The following DLD variants were observed in gnomAD, a reference collection of about 807,000 sequenced individuals.
The protein encoded by DLD is dihydrolipoyl dehydrogenase, mitochondrial.
DLD carries 36 observed loss-of-function variants against 62.2 expected under a neutral mutation model. The observed-to-expected ratio is 0.58, with a 90% CI of 0.44 to 0.76. The LOEUF (loss-of-function observed/expected upper bound fraction) is 0.76, where lower values mean the gene tolerates loss of function less well. Ranked by LOEUF, DLD falls within the 30% of genes least tolerant of loss-of-function variation. DLD has a pLI of 0.00. For missense variants in DLD, 541 were observed against 608.6 expected, an observed-to-expected ratio of 0.89 and a Z score of 1.17; for synonymous variants, 204 against 199.6, an observed-to-expected ratio of 1.02 and a Z score of -0.19.
In DLD at chr7:107,891,258, G is replaced by A; in HGVS notation, c.8G>A (p.Ser3Asn). 1 of 1,614,168 alleles carries A rather than the reference G, an allele frequency of 6.2e-7. No individual in the cohort carries two copies. Among genetic ancestry groups the A allele is most frequent in the Non-Finnish European group, 8.5e-7 (1 of 1,179,974 alleles). Residue 3 changes from serine to asparagine, a missense_variant, in exon 1 of 14, where the codon AGC becomes AAC. By Grantham distance (46) the Ser-to-Asn change is conservative. Transcript: ENST00000205402. MQ[S>N]WSRVYCSLAK... ...GGAAAATACAGCGGAAAAATGCAGAGCTGGAGTCGTGTGTACTGCTCCTTG... is the reference window on the plus strand; with the variant it reads ...GGAAAATACAGCGGAAAAATGCAGAACTGGAGTCGTGTGTACTGCTCCTTG...
rs569295087 is a variant in DLD, at chr7:107,902,535, T to C, written c.267+142T>C. On this transcript the variant is annotated intron_variant, in intron 4 of 13. Coordinates refer to ENST00000205402, the MANE Select transcript of DLD (RefSeq NM_000108.5). ...CATTTCACACAGAGAAAAAAAAGAA[T>C]GATAAAAAACACACTTCTCTTTTGT... The C allele has an allele frequency of 1.0e-5, 8 of 789,004 alleles. No individual in the cohort carries two copies. In the African/African-American group the frequency reaches 1.2e-4, roughly 12 times the overall value. The allele number at this position is 789,004 out of a possible 1,614,324, so 48.9% of individuals were successfully genotyped here.
chr7:107,915,790 T>A, intron 9 of DLD, 94 bp downstream of exon 9: 1 of 1,135,000 alleles, frequency 8.8e-7, no homozygotes, highest in Non-Finnish European at 1.3e-6. Context: ...ATAGGGTTTT[T>A]TCTAACTTAA....
At position 107,902,319 on chromosome 7, in the gene DLD, T is replaced by C. The variant is rs1584462430; in HGVS notation, c.199-6T>C. On this transcript the variant is annotated splice_polypyrimidine_tract_variant and splice_region_variant and intron_variant, in intron 3 of 13. Transcript: ENST00000205402. ...TGCAGTTAAATAATGTTTTCTTTGGTTGTAGACAGTCTGCATTGAGAAAAA... is the reference window on the plus strand; with the variant it reads ...TGCAGTTAAATAATGTTTTCTTTGGCTGTAGACAGTCTGCATTGAGAAAAA... 6.2e-7 allele frequency: 1 copy of C among 1,613,014 alleles called. No individual in the cohort carries two copies. Among genetic ancestry groups the C allele is most frequent in the Admixed American group, 1.7e-5 (1 of 60,022 alleles).
At chr7:107,909,588 A>C (rs751028556) in intron 8 of DLD, among the ~76,000 whole-genome samples, 1 of 152,138 alleles carries the variant, frequency 6.6e-6, no homozygotes, top group Non-Finnish European at 1.5e-5. Context: ...CAGTCCAGAA[A>C]CCCTTCAGAA....
rs1053780112 is a variant in DLD at position 107,911,380 on chromosome 7, T to A, written c.685-4126T>A. ...GGATATGGCACATTTTGTTTATCCA[T>A]TCATCATGGGTGGACATTTGGGTTG... On this transcript the variant is annotated intron_variant, in intron 8 of 13. Transcript: ENST00000205402. Among the ~76,000 whole-genome samples, 7 of 152,316 alleles carry A rather than the reference T, an allele frequency of 4.6e-5. 1 individual carries two copies. In the South Asian group the frequency reaches 1.4e-3, roughly 32 times the overall value.
chr7:107,899,398 T>C (rs1423736670), intron 2 of DLD, among the ~76,000 whole-genome samples: 1 of 151,676 alleles, frequency 6.6e-6, no homozygotes, highest in Non-Finnish European at 1.5e-5. Context: ...ACATAGTGAA[T>C]AGGGAAGTAA....
intron 8 of DLD, among the ~76,000 whole-genome samples, chr7:107,909,670 A>G (rs1247646218): frequency 6.6e-6 from 1 of 152,050 alleles, no homozygotes; most frequent in Non-Finnish European, 1.5e-5. Flanking sequence ...CCAGCTGATT[A>G]ATAATGTCTT....
chr7:107,895,561 A>G (rs1472270893), intron 2 of DLD, among the ~76,000 whole-genome samples: 1 of 152,210 alleles, frequency 6.6e-6, no homozygotes, highest in African/African-American at 2.4e-5. Flanking sequence ...ACTAATATCT[A>G]CTATGTGTTA....
At chr7:107,897,574 CTTTTTTTTTTT>C (rs35546358) in intron 2 of DLD, among the ~76,000 whole-genome samples, 1 of 111,352 alleles carries the variant, frequency 9.0e-6, no homozygotes, top group Non-Finnish European at 1.8e-5. Context: ...TGTAGACTGA[CTTTTTTTTTTT>C]TTTTTTTTTT....
chr7:107,893,085 C>A, intron 1 of DLD, 115 bp from the exon 2 acceptor site: 1 of 674,382 alleles, frequency 1.5e-6, no homozygotes, highest in Non-Finnish European at 2.6e-6. Context: ...GAAGAAGATA[C>A]ACTAATAATC....
chr7:107,907,809 T>C (rs2032043376), intron 8 of DLD, among the ~76,000 whole-genome samples: 2 of 152,358 alleles, frequency 1.3e-5, no homozygotes, highest in South Asian at 4.1e-4. Flanking sequence ...CATGTCCTTC[T>C]TGAGTTACCA....
chr7:107,912,233 A>T (rs1272559295), intron 8 of DLD, among the ~76,000 whole-genome samples: 1 of 151,982 alleles, frequency 6.6e-6, no homozygotes, highest in Non-Finnish European at 1.5e-5. Context: ...TTGTCTGCTG[A>T]TGGACACTTG....
intron 11 of DLD, 146 bp from the exon 12 acceptor site, chr7:107,917,778 G>A (rs2032306575): frequency 9.9e-7 from 1 of 1,005,560 alleles, no homozygotes; most frequent in Admixed American, 2.0e-5. Context: ...TCATTAACCA[G>A]TCTTCTGGTC....
At chr7:107,918,895 A>C (rs1372159566) in intron 12 of DLD, 115 bp from the exon 13 acceptor site, 3 of 865,476 alleles carry the variant, frequency 3.5e-6, no homozygotes, top group Non-Finnish European at 5.7e-6. Context: ...TCAACTGATA[A>C]AGAAACAGAT....
intron 8 of DLD, among the ~76,000 whole-genome samples, chr7:107,910,627 G>A (rs1184465177): frequency 6.6e-6 from 1 of 152,014 alleles, no homozygotes. Flanking sequence ...GCCTCTTACT[G>A]ACTTATGTTC....
At chr7:107,898,630 G>A (rs765286578) in intron 2 of DLD, among the ~76,000 whole-genome samples, 10 of 148,718 alleles carry the variant, frequency 6.7e-5, no homozygotes, top group Non-Finnish European at 1.2e-4. Context: ...TTGCACTGTC[G>A]CCCAGGCTGG....
Position 107,908,311 on chromosome 7 carries a change from C to T in DLD, c.684+1943C>T, listed in dbSNP as rs150719675. On this transcript the variant is annotated intron_variant, in intron 8 of 13. Transcript: ENST00000205402. ...GACTACAGGCGCCCGCCAGCACGCC[C>T]GGCTAATTTTTGTATTTTTAGTAGA... 4.4e-3 allele frequency among the ~76,000 whole-genome samples: 674 copies of T among 151,810 alleles called. 5 individuals are homozygous for T. The highest frequency in any genetic ancestry group is 0.015 in the African/African-American group (637 of 41,400).
intron 2 of DLD, among the ~76,000 whole-genome samples, chr7:107,894,249 A>G (rs1293622496): frequency 2.0e-5 from 3 of 152,248 alleles, no homozygotes; most frequent in Non-Finnish European, 2.9e-5. Context: ...ATTCACCCAT[A>G]TGGATTATAA....
rs1468080671 is a variant in DLD at position 107,914,897 on chromosome 7, AG to A, written c.685-608del. Among the ~76,000 whole-genome samples the A allele has an allele frequency of 5.9e-5, 9 of 152,354 alleles. No individual in the cohort carries two copies. In the South Asian group the frequency reaches 1.9e-3, roughly 32 times the overall value. On this transcript the variant is annotated intron_variant, in intron 8 of 13. Transcript: ENST00000205402. ...AAAAGTAAACATTTGTCCTTTGTTG[AG>A]AAAAGAAAATAGGAAGCCAGTTTAA...
Sources: gnomAD v4.1 joint callset for allele counts (sites outside exome capture counted in the v4.1 genomes callset) on GRCh38, gnomAD v4.1.1 for gene constraint, MANE v1.5 for transcripts, NCBI Gene and HGNC (gene_info 2026-07-23, HGNC 2026-07-21) for gene names.